Variants in RALGAPA2 observed in about 807,000 individuals in gnomAD.
RALGAPA2 encodes Ral GTPase activating protein catalytic subunit alpha 2, also known as ral GTPase-activating protein subunit alpha-2.
RALGAPA2 carries 139 observed loss-of-function variants against 230.4 expected under a neutral mutation model. The observed-to-expected ratio is 0.60, with a 90% confidence interval of 0.53 to 0.69. The LOEUF is 0.69. Ranked by LOEUF, RALGAPA2 falls within the 30% of genes least tolerant of loss-of-function variation. The pLI is 0.00. For synonymous variants in RALGAPA2, 847 were observed against 837.8 expected, an observed-to-expected ratio of 1.01 and a Z score of -0.19; for missense variants, 2,163 against 2,276.0, an observed-to-expected ratio of 0.95 and a Z score of 1.01.
intron 37 of RALGAPA2, among the ~76,000 whole-genome samples, chr20:20,453,365 C>T (rs1346939302): frequency 6.6e-6 from 1 of 152,020 alleles, no homozygotes; most frequent in African/African-American, 2.4e-5. Context: ...AGGTGTCTGG[C>T]AGACACAGTG....
At chr20:20,450,186 T>C (rs2060956773) in intron 37 of RALGAPA2, among the ~76,000 whole-genome samples, 1 of 152,220 alleles carries the variant, frequency 6.6e-6, no homozygotes, top group Admixed American at 6.5e-5. Flanking sequence ...CGTCCTCAAC[T>C]ATTTCTCAAG....
chr20:20,654,266 G>A (rs1364768371), intron 3 of RALGAPA2, among the ~76,000 whole-genome samples: 1 of 152,148 alleles, frequency 6.6e-6, no homozygotes, highest in Non-Finnish European at 1.5e-5. Flanking sequence ...TCAGCTCACT[G>A]CAACCTCTGC....
chr20:20,489,317 C>T (rs1244001128), intron 36 of RALGAPA2, among the ~76,000 whole-genome samples: 7 of 152,094 alleles, frequency 4.6e-5, no homozygotes, highest in African/African-American at 1.4e-4. Flanking sequence ...AAAACACAGG[C>T]GTTTCAGTTC....
At chr20:20,456,436 C>T (rs1294747076) in intron 37 of RALGAPA2, among the ~76,000 whole-genome samples, 1 of 152,246 alleles carries the variant, frequency 6.6e-6, no homozygotes, top group African/African-American at 2.4e-5. Flanking sequence ...TGGCCTGTGG[C>T]CCTCCTTGGA....
intron 18 of RALGAPA2, 95 bp from the exon 19 acceptor site, chr20:20,585,050 A>AAAT (rs1054926282): frequency 4.8e-6 from 3 of 622,722 alleles, no homozygotes; most frequent in East Asian, 5.8e-5. Context: ...AAAAAGAAAC[A>AAAT]AATAATAATA....
In RALGAPA2 at chr20:20,712,553, C is replaced by G. The variant is rs2069932092; in HGVS notation, c.-73G>C. ...CGCCACGCGAATCAAAGCATAGGGT[C>G]GAGGCCGGCGCGTGTCGCGCGGGCC... is the stretch of plus-strand genomic sequence containing the variant. On this transcript the variant is annotated 5_prime_UTR_variant, in exon 1 of 40. Transcript: ENST00000202677. The surrounding 1 kb of genome is among the most constrained non-coding windows in gnomAD (Gnocchi z 5.5). The G allele has an allele frequency of 7.4e-6, 10 of 1,357,926 alleles. No individual in the cohort carries two copies. In the South Asian group the frequency reaches 1.9e-4, roughly 25 times the overall value. The allele number at this position is 1,357,926 out of a possible 1,614,324, so 84.1% of individuals were successfully genotyped here.
At chr20:20,568,752 C>T (rs532371050) in intron 23 of RALGAPA2, among the ~76,000 whole-genome samples, 1 of 152,288 alleles carries the variant, frequency 6.6e-6, no homozygotes, top group East Asian at 1.9e-4. Flanking sequence ...TGTTCAAAGG[C>T]CCATGAACCA....
Position 20,676,214 on chromosome 20 carries a change from AAAT to A in RALGAPA2, c.270+19_270+21del. On this transcript the variant is annotated intron_variant, in intron 3 of 39. Transcript: ENST00000202677. ...ATTTCCAACAAGAATTATAAAAGCT[AAAT>A]AAACTCATCAAAACTTACTTCAAAA... The A allele has an allele frequency of 2.0e-6, 3 of 1,466,940 alleles. No individual in the cohort carries two copies. Among genetic ancestry groups the A allele is most frequent in the Non-Finnish European group, 1.9e-6 (2 of 1,066,852 alleles). The allele number at this position is 1,466,940 out of a possible 1,614,324, so 90.9% of individuals were successfully genotyped here.
intron 23 of RALGAPA2, among the ~76,000 whole-genome samples, chr20:20,554,531 C>G (rs952997817): frequency 2.6e-5 from 4 of 152,122 alleles, no homozygotes; most frequent in African/African-American, 9.7e-5. Context: ...TTTATATCTT[C>G]TCTGGAGAAG....
At chr20:20,589,985 T>A (rs1252952270) in intron 17 of RALGAPA2, among the ~76,000 whole-genome samples, 2 of 151,472 alleles carry the variant, frequency 1.3e-5, no homozygotes, top group African/African-American at 4.8e-5. Flanking sequence ...TTAACTTTTT[T>A]AATTTTTTAA....
At chr20:20,467,221 T>G (rs1016619763) in intron 37 of RALGAPA2, among the ~76,000 whole-genome samples, 1 of 152,184 alleles carries the variant, frequency 6.6e-6, no homozygotes, top group Non-Finnish European at 1.5e-5. Flanking sequence ...TTATTTTATA[T>G]TTTACCAAAA....
At chr20:20,469,717 T>C (rs2123368087) in intron 37 of RALGAPA2, among the ~76,000 whole-genome samples, 1 of 152,312 alleles carries the variant, frequency 6.6e-6, no homozygotes, top group East Asian at 1.9e-4. Context: ...TTGGCTCAAA[T>C]GGTTGTGGAA....
chr20:20,611,537 T>C lies in RALGAPA2; in HGVS notation c.1689-111A>G. 6 of 1,442,820 alleles carry C rather than the reference T, an allele frequency of 4.2e-6. No individual in the cohort carries two copies. The South Asian group carries it at 1.0e-4, about 24-fold the overall frequency. 89.4% of individuals were successfully genotyped at this position (1,442,820 alleles called of 1,614,324 possible). A position where few individuals can be genotyped will look rare whatever the true frequency, so the allele number is the denominator to read the frequency against. On this transcript the variant is annotated intron_variant, in intron 13 of 39. Coordinates refer to ENST00000202677, the MANE Select transcript of RALGAPA2 (RefSeq NM_020343.4). ...TTCAGCAACATTGATAATTATGTATTACTCGAAACTATTAAAGTCCAGATG... is the reference window on the plus strand; with the variant it reads ...TTCAGCAACATTGATAATTATGTATCACTCGAAACTATTAAAGTCCAGATG...
chr20:20,619,386 C>A lies in RALGAPA2; in HGVS notation c.1430G>T (p.Arg477Leu). ...EASSESSGHK[R>L]SSSWGRTYSF... The stretch of plus-strand genomic sequence containing the variant: ...GTATGTGCGTCCCCAACTGGAAGAT[C>A]GTTTATGACCAGAACTTTCAGATGA... The change falls in exon 12 of 40, where the codon CGA becomes CTA. Residue 477 changes from arginine to leucine, a missense_variant. By Grantham distance (102) the Arg-to-Leu change is moderately radical. Transcript: ENST00000202677. 6.2e-7 allele frequency: 1 copy of A among 1,605,598 alleles called. No homozygotes were observed. The highest frequency in any genetic ancestry group is 8.5e-7 in the Non-Finnish European group (1 of 1,174,750).
intron 24 of RALGAPA2, among the ~76,000 whole-genome samples, chr20:20,541,057 A>ATTT (rs56090872): frequency 1.7e-4 from 24 of 140,828 alleles, no homozygotes; most frequent in East Asian, 8.3e-4. Flanking sequence ...AGTCAGGAGA[A>ATTT]TTTTTTTTTT....
At position 20,571,544 on chromosome 20, in the gene RALGAPA2, T is replaced by G; in HGVS notation, c.3070A>C (p.Thr1024Pro). 1 of 1,612,658 alleles carries G rather than the reference T, an allele frequency of 6.2e-7. No individual in the cohort carries two copies. The highest frequency in any genetic ancestry group is 1.1e-5 in the South Asian group (1 of 90,750). Reference protein sequence around the residue: ...QAYRLICAMMTRRQDVLPNSD... With the variant: ...QAYRLICAMMPRRQDVLPNSD... ...TTTGGCAGAACGTCCTGGCGTCTGG[T>G]CATCATGGCACAGATCAGCCTGTAG... Residue 1024 changes from threonine to proline, a missense_variant, in exon 23 of 40, where the codon ACC becomes CCC. Coordinates refer to ENST00000202677, the MANE Select transcript of RALGAPA2 (RefSeq NM_020343.4).
chr20:20,424,199 T>C (rs1028080164), intron 37 of RALGAPA2, among the ~76,000 whole-genome samples: 4 of 152,218 alleles, frequency 2.6e-5, no homozygotes, highest in Non-Finnish European at 5.9e-5. Context: ...TCCTTAATTA[T>C]AGCATTTTCC....
At chr20:20,548,400 A>G (rs895068316) in intron 23 of RALGAPA2, among the ~76,000 whole-genome samples, 2 of 152,158 alleles carry the variant, frequency 1.3e-5, no homozygotes, top group African/African-American at 4.8e-5. Context: ...GTTTCTACAA[A>G]TCTTGATATT....
intron 37 of RALGAPA2, among the ~76,000 whole-genome samples, chr20:20,464,260 G>A (rs2061365607): frequency 6.6e-6 from 1 of 152,226 alleles, no homozygotes; most frequent in African/African-American, 2.4e-5. Context: ...AGTGACTTCA[G>A]CTGTCAGTAT....
Sources: gnomAD v4.1 joint callset for allele counts (sites outside exome capture counted in the v4.1 genomes callset) on GRCh38, gnomAD v4.1.1 for gene constraint, Gnocchi (gnomAD v3.1) non-coding constraint, MANE v1.5 for transcripts, NCBI Gene and HGNC (gene_info 2026-07-23, HGNC 2026-07-21) for gene names.